MTMR1: variants seen among roughly 807,000 people sequenced by gnomAD.
MTMR1 encodes phosphatidylinositol-3-phosphate phosphatase MTMR1.
Under a neutral mutation model 51.6 loss-of-function variants are expected in MTMR1, and 17 were observed. That is an observed-to-expected ratio of 0.33 (90% CI 0.23 to 0.49). The LOEUF is 0.49. Among genes scored for constraint, MTMR1 ranks in the 20% least tolerant of loss-of-function variants. The probability of loss-of-function intolerance (pLI) is 0.99; values close to 1 mark genes in which losing one functional copy is unlikely to be tolerated. For synonymous variants in MTMR1, 201 were observed against 205.6 expected, an observed-to-expected ratio of 0.98 and a Z score of 0.19; for missense variants, 386 against 526.9, an observed-to-expected ratio of 0.73 and a Z score of 2.62.
chrX:150,717,584 A>G (rs1322290189), intron 3 of MTMR1, among the ~76,000 whole-genome samples: 3 of 110,175 alleles, frequency 2.7e-5, no homozygotes, highest in Non-Finnish European at 5.7e-5. Flanking sequence ...GGAGAAAGTG[A>G]CTGGTTTCCT....
chrX:150,698,680 GCACACACACA>G (rs1214335904), intron 1 of MTMR1, among the ~76,000 whole-genome samples: 76 of 62,964 alleles, frequency 1.2e-3, no homozygotes, highest in Middle Eastern at 0.019. Flanking sequence ...ACACGCGCGC[GCACACACACA>G]CACACACACA....
intron 13 of MTMR1, 122 bp downstream of exon 13, chrX:150,744,575 A>G: frequency 1.8e-6 from 1 of 558,696 alleles, no homozygotes; most frequent in South Asian, 3.2e-5. Context: ...TATTTAACAC[A>G]ATTTGATTCT....
In MTMR1 at chrX:150,724,079, T is replaced by G. The variant is rs183515177; in HGVS notation, c.353-3136T>G. Among the ~76,000 whole-genome samples the G allele has an allele frequency of 6.3e-5, 7 of 111,937 alleles. No homozygotes were observed. The Admixed American group carries it at 6.6e-4, about 11-fold the overall frequency. On this transcript the variant is annotated intron_variant, in intron 4 of 15. Coordinates refer to ENST00000445323, the MANE Select transcript of MTMR1 (RefSeq NM_001306144.3). ...GTCTTTATGGTAGAATAATTTATAT[T>G]CCTTTGGGCATATACCTAGTAATGG...
intron 15 of MTMR1, among the ~76,000 whole-genome samples, chrX:150,759,047 C>G (rs1053209602): frequency 6.2e-5 from 7 of 112,416 alleles, no homozygotes; most frequent in African/African-American, 2.3e-4. Context: ...GCTTTCAGCC[C>G]AAGAAGTCTA....
chrX:150,750,722 C>T lies in MTMR1; in HGVS notation c.1567-8C>T, dbSNP rs375908235. On this transcript the variant is annotated splice_polypyrimidine_tract_variant and splice_region_variant and intron_variant, in intron 13 of 15. Coordinates refer to ENST00000445323, the MANE Select transcript of MTMR1 (RefSeq NM_001306144.3). The stretch of plus-strand genomic sequence containing the variant: ...TATGACTAAACCTTATTTTTCTCTT[C>T]ATTTAAGTTTCCTTCAGCATTCGAG... The T allele has an allele frequency of 1.2e-4, 132 of 1,131,765 alleles. No homozygotes were observed. Among genetic ancestry groups the T allele is most frequent in the Non-Finnish European group, 1.6e-4 (129 of 830,530 alleles). 93.3% of individuals were successfully genotyped at this position (1,131,765 alleles called of 1,213,427 possible). A position where few individuals can be genotyped will look rare whatever the true frequency, so the allele number is the denominator to read the frequency against.
At chrX:150,722,725 A>G (rs2041790833) in intron 4 of MTMR1, among the ~76,000 whole-genome samples, 1 of 110,733 alleles carries the variant, frequency 9.0e-6, no homozygotes, top group African/African-American at 3.3e-5. Context: ...ATTTTATATA[A>G]TCAGTAATAT....
chrX:150,753,710 A>G (rs2042821574), intron 14 of MTMR1, among the ~76,000 whole-genome samples: 1 of 111,950 alleles, frequency 8.9e-6, no homozygotes, highest in South Asian at 3.6e-4. Flanking sequence ...TACATTCTTT[A>G]TATATTCAAG....
intron 2 of MTMR1, among the ~76,000 whole-genome samples, chrX:150,706,639 G>A (rs188774357): frequency 2.5e-4 from 28 of 112,193 alleles, no homozygotes; most frequent in Admixed American, 2.4e-3. Context: ...GAGACACACA[G>A]TGTTGTTCAT....
At position 150,750,832 on chromosome X, in the gene MTMR1, C is replaced by A; in HGVS notation, c.1669C>A (p.Arg557=). Residue 557 remains arginine, a synonymous_variant, in exon 14 of 16, where the codon CGA becomes AGA. Transcript: ENST00000445323. Reference sequence around the variant, plus strand: ...CTTTTTGTGCAACTGTGAACAGCAGCGATTCAAAGAGGTGAGTATGCTGCA... The same window carrying A: ...CTTTTTGTGCAACTGTGAACAGCAGAGATTCAAAGAGGTGAGTATGCTGCA... ...GTFLCNCEQQ[R]FKEDVYTKTI... is the part of the protein sequence containing the mutation. 3 of 1,194,885 alleles carry A rather than the reference C, an allele frequency of 2.5e-6. No individual in the cohort carries two copies. The highest frequency in any genetic ancestry group is 1.8e-5 in the South Asian group (1 of 55,900).
chrX:150,722,309 G>T (rs2041776884), intron 4 of MTMR1, among the ~76,000 whole-genome samples: 1 of 111,853 alleles, frequency 8.9e-6, no homozygotes, highest in Non-Finnish European at 1.9e-5. Context: ...ACCAATTGTA[G>T]AGAGAGAGGT....
chrX:150,718,929 G>C, intron 4 of MTMR1, among the ~76,000 whole-genome samples: 1 of 110,986 alleles, frequency 9.0e-6, no homozygotes, highest in East Asian at 2.8e-4. Context: ...CCCAACAGAA[G>C]AGGGGCCTGA....
chrX:150,738,348 T>A (rs2042335223), intron 12 of MTMR1, among the ~76,000 whole-genome samples: 1 of 112,548 alleles, frequency 8.9e-6, no homozygotes, highest in South Asian at 3.7e-4. Flanking sequence ...TTCCCTTGTG[T>A]GTATATACCA....
chrX:150,698,725 C>CACACAA (rs1342602428), intron 1 of MTMR1, among the ~76,000 whole-genome samples: 9 of 105,618 alleles, frequency 8.5e-5, no homozygotes, highest in East Asian at 3.1e-4. Context: ...CACACACACA[C>CACACAA]AAAAGCCGGG....
rs1388101352 is a variant in MTMR1, at chrX:150,760,342, G to A, written c.1858-2223G>A. 1.6e-4 allele frequency among the ~76,000 whole-genome samples: 16 copies of A among 98,806 alleles called. 2 individuals are homozygous for A. The highest frequency in any genetic ancestry group is 4.4e-4 in the African/African-American group (13 of 29,398). The allele number at this position is 98,806 out of a possible 115,157, so 85.8% of individuals were successfully genotyped here. ...GGGGAGGGAGTGCAGGGGGGTAAACGACAGGGCAGATGCAAGCCTGTTGGG... is the reference window on the plus strand; with the variant it reads ...GGGGAGGGAGTGCAGGGGGGTAAACAACAGGGCAGATGCAAGCCTGTTGGG... On this transcript the variant is annotated intron_variant, in intron 15 of 15. Coordinates refer to ENST00000445323, the MANE Select transcript of MTMR1 (RefSeq NM_001306144.3).
intron 4 of MTMR1, among the ~76,000 whole-genome samples, chrX:150,723,782 G>A (rs1438662377): frequency 9.0e-6 from 1 of 111,559 alleles, no homozygotes; most frequent in Non-Finnish European, 1.9e-5. Flanking sequence ...CTTTGCGTCT[G>A]TGTCTGTGTT....
chrX:150,706,861 C>G (rs889261164), intron 2 of MTMR1, among the ~76,000 whole-genome samples: 1 of 111,287 alleles, frequency 9.0e-6, no homozygotes, highest in African/African-American at 3.3e-5. Context: ...TGCTGCATAG[C>G]TACAGTAATC....
chrX:150,749,250 G>C (rs1238151482), intron 13 of MTMR1, among the ~76,000 whole-genome samples: 2 of 112,157 alleles, frequency 1.8e-5, no homozygotes, highest in Non-Finnish European at 3.8e-5. Context: ...TGTTCTAATT[G>C]AAAAGCCTGG....
intron 13 of MTMR1, among the ~76,000 whole-genome samples, chrX:150,747,521 G>A (rs1474355174): frequency 1.8e-5 from 2 of 111,677 alleles, no homozygotes; most frequent in East Asian, 2.8e-4. Context: ...TTCGGAAATC[G>A]TACTTTTAGG....
Position 150,727,751 on chromosome X carries a change from G to A in MTMR1, c.515G>A (p.Ser172Asn), listed in dbSNP as rs1557416834. The A allele has an allele frequency of 8.3e-7, 1 of 1,211,023 alleles. No homozygotes were observed. The highest frequency in any genetic ancestry group is 1.8e-5 in the South Asian group (1 of 56,933). ...ISRVEKIGAQ[S>N]HGDNSCGIEI... is the part of the protein sequence containing the mutation. ...AGAGTGGAGAAGATTGGAGCACAGA[G>A]CCATGGAGACAATTCCTGTGGTATA... The change falls in exon 6 of 16, where the codon AGC (serine) becomes AAC (asparagine). Residue 172 changes from serine (S) to asparagine (N), a missense_variant. Transcript: ENST00000445323.
Sources: allele counts gnomAD v4.1 joint callset (sites outside exome capture counted in the v4.1 genomes callset), GRCh38; gene constraint gnomAD v4.1.1; transcripts MANE v1.5; gene names NCBI Gene and HGNC (gene_info 2026-07-23, HGNC 2026-07-21).